Variants in GREB1L observed in about 807,000 individuals in gnomAD.
GREB1L encodes the protein GREB1-like protein.
In GREB1L, 17 loss-of-function variants were observed where a neutral mutation model predicts 200.8. The observed-to-expected ratio is 0.08, with a 90% confidence interval of 0.06 to 0.13. The LOEUF (loss-of-function observed/expected upper bound fraction) is 0.13. GREB1L is among the 10% of genes least tolerant of loss of function. The pLI is 1.00. For synonymous variants in GREB1L, 789 were observed against 893.0 expected (o/e 0.88, Z 2.08); for missense variants, 1,657 against 2,367.7 (o/e 0.70, Z 6.23).
intron 17 of GREB1L, among the ~76,000 whole-genome samples, chr18:21,483,159 A>G (rs2035987809): frequency 6.6e-6 from 1 of 152,192 alleles, no homozygotes; most frequent in African/African-American, 2.4e-5. Flanking sequence ...GAGAAATAAA[A>G]ACGAGGACAG....
intron 6 of GREB1L, among the ~76,000 whole-genome samples, chr18:21,402,287 C>A (rs2041347485): frequency 6.6e-6 from 1 of 152,094 alleles, no homozygotes; most frequent in South Asian, 2.1e-4. Context: ...ACCTCCCTCC[C>A]TTTTAATTCC....
chr18:21,260,088 C>T (rs1173033660), intron 1 of GREB1L, among the ~76,000 whole-genome samples: 1 of 151,870 alleles, frequency 6.6e-6, no homozygotes, highest in Non-Finnish European at 1.5e-5. Flanking sequence ...TTAATTAGTA[C>T]ATAACTATTC....
At chr18:21,453,949 C>G (rs1198145075) in intron 14 of GREB1L, among the ~76,000 whole-genome samples, 2 of 152,176 alleles carry the variant, frequency 1.3e-5, no homozygotes, top group South Asian at 2.1e-4. Flanking sequence ...TCCCCTCTTT[C>G]CTTGAACTGG....
chr18:21,423,334 T>C (rs2032312569), intron 7 of GREB1L, among the ~76,000 whole-genome samples: 1 of 152,190 alleles, frequency 6.6e-6, no homozygotes, highest in African/African-American at 2.4e-5. Context: ...TTCATAACCT[T>C]TACCCTTTAG....
chr18:21,481,699 T>C (rs557910626), intron 17 of GREB1L, among the ~76,000 whole-genome samples: 19 of 152,040 alleles, frequency 1.2e-4, no homozygotes, highest in Non-Finnish European at 2.8e-4. Flanking sequence ...ACTACAGATT[T>C]GTTTTGCTCA....
rs922557819 is a variant in GREB1L at position 21,499,732 on chromosome 18, C to G, written c.3395C>G (p.Ser1132Cys). 4.5e-6 allele frequency: 7 copies of G among 1,549,562 alleles called. No homozygotes were observed. The African/African-American group carries it at 9.6e-5, about 21-fold the overall frequency. The change falls in exon 22 of 33, where the codon TCC (serine) becomes TGC (cysteine). Residue 1132 changes from serine to cysteine, a missense_variant. By Grantham distance (112) the Ser-to-Cys change is moderately radical. This residue lies in a region of GREB1L where 512 missense variants were observed against 668.3 expected (regional missense o/e 0.77). Coordinates refer to ENST00000424526, the MANE Select transcript of GREB1L (RefSeq NM_001142966.3). ...GGTTCTGTCTGTTCTCTCACAGGTTCCATCATGGAGAATGGAGTGAGCTCT... is the reference window on the plus strand; with the variant it reads ...GGTTCTGTCTGTTCTCTCACAGGTTGCATCATGGAGAATGGAGTGAGCTCT... Reference protein sequence around the residue: ...NSSAVTGTSGSIMENGVSSSS... With the variant: ...NSSAVTGTSGCIMENGVSSSS...
At chr18:21,511,399 T>G (rs758803568) in intron 27 of GREB1L, among the ~76,000 whole-genome samples, 4 of 152,184 alleles carry the variant, frequency 2.6e-5, no homozygotes, top group Non-Finnish European at 5.9e-5. Context: ...TTCCATGGAT[T>G]GCCTTTTACT....
chr18:21,460,026 A>C (rs2034972353), intron 15 of GREB1L, among the ~76,000 whole-genome samples: 1 of 151,986 alleles, frequency 6.6e-6, no homozygotes, highest in Admixed American at 6.6e-5. Context: ...TCCTGGAATC[A>C]CCCATTCAGA....
chr18:21,347,173 G>A (rs1856246513), intron 1 of GREB1L, among the ~76,000 whole-genome samples: 1 of 151,938 alleles, frequency 6.6e-6, no homozygotes, highest in East Asian at 2.0e-4. Context: ...AGCTACTAGG[G>A]AGGCTGAGAC....
intron 15 of GREB1L, chr18:21,468,944 T>C (rs2035374644): frequency 2.0e-5 from 7 of 355,152 alleles, no homozygotes; most frequent in South Asian, 1.6e-4. Context: ...TTGCATCATG[T>C]CAGGGAGTAC....
In GREB1L at chr18:21,247,079, T is replaced by C. The variant is rs918363368; in HGVS notation, c.-120+4686T>C. On this transcript the variant is annotated intron_variant, in intron 1 of 32. Coordinates refer to ENST00000424526, the MANE Select transcript of GREB1L (RefSeq NM_001142966.3). ...CACCCAACATGGATAACAGCAGCTCTTTGTGCTGTTGAGCCCCAGGAGGGC... is the reference window on the plus strand; with the variant it reads ...CACCCAACATGGATAACAGCAGCTCCTTGTGCTGTTGAGCCCCAGGAGGGC... Among the ~76,000 whole-genome samples, 7 of 152,166 alleles carry C rather than the reference T, an allele frequency of 4.6e-5. No individual in the cohort carries two copies. In the East Asian group the frequency reaches 5.8e-4, roughly 13 times the overall value.
intron 16 of GREB1L, among the ~76,000 whole-genome samples, chr18:21,476,849 G>A (rs1434078017): frequency 6.6e-6 from 1 of 151,986 alleles, no homozygotes; most frequent in Non-Finnish European, 1.5e-5. Flanking sequence ...AAAGTGCTGG[G>A]ATTACAGACG....
At chr18:21,304,153 C>T (rs1197987493) in intron 1 of GREB1L, among the ~76,000 whole-genome samples, 1 of 152,076 alleles carries the variant, frequency 6.6e-6, no homozygotes, top group Non-Finnish European at 1.5e-5. Context: ...ACTATCAGAG[C>T]AATGCGTCTG....
At chr18:21,266,099 A>G (rs1274698026) in intron 1 of GREB1L, among the ~76,000 whole-genome samples, 2 of 152,138 alleles carry the variant, frequency 1.3e-5, no homozygotes, top group Admixed American at 1.3e-4. Flanking sequence ...TCTCATCTCT[A>G]CCTATTAAAT....
intron 5 of GREB1L, among the ~76,000 whole-genome samples, chr18:21,397,422 G>A (rs1158210066): frequency 1.3e-5 from 2 of 151,918 alleles, no homozygotes; most frequent in Non-Finnish European, 2.9e-5. Flanking sequence ...CTACTTGGGA[G>A]GCTGAGGCAG....
Position 21,422,908 on chromosome 18 carries a change from G to T in GREB1L, c.833-16613G>T, listed in dbSNP as rs558953752. 5.3e-5 allele frequency among the ~76,000 whole-genome samples: 8 copies of T among 152,108 alleles called. No homozygotes were observed. The South Asian group carries it at 1.7e-3, about 32-fold the overall frequency. ...TTATTTATTGAACTTTTGGATTTTT[G>T]TGAATCTGATGGGTGAAAAATAAAA... On this transcript the variant is annotated intron_variant, in intron 7 of 32. Coordinates refer to ENST00000424526, the MANE Select transcript of GREB1L (RefSeq NM_001142966.3).
Position 21,516,605 on chromosome 18 carries a change from C to A in GREB1L, c.5130-8C>A. 6.4e-7 allele frequency: 1 copy of A among 1,550,846 alleles called. No individual in the cohort carries two copies. The highest frequency in any genetic ancestry group is 8.7e-7 in the Non-Finnish European group (1 of 1,146,386). On this transcript the variant is annotated splice_polypyrimidine_tract_variant and splice_region_variant and intron_variant, in intron 29 of 32. Coordinates refer to ENST00000424526, the MANE Select transcript of GREB1L (RefSeq NM_001142966.3). ...CGGAAGAAAACTATTGTTGTGGTTACAATTTAGGTATTTCTGTGAAGATGC... is the reference window on the plus strand; with the variant it reads ...CGGAAGAAAACTATTGTTGTGGTTAAAATTTAGGTATTTCTGTGAAGATGC...
chr18:21,431,608 T>C (rs1269965869), intron 7 of GREB1L, among the ~76,000 whole-genome samples: 1 of 152,216 alleles, frequency 6.6e-6, no homozygotes, highest in East Asian at 1.9e-4. Flanking sequence ...TTGGTGAATA[T>C]TCTACTGACG....
Position 21,290,486 on chromosome 18 carries a change from G to A in GREB1L, c.-120+48093G>A, listed in dbSNP as rs562918351. Reference sequence around the variant, plus strand: ...GCAGATGGTTCCATTTCACTTTTCTGAATCATGATTTGGGTTTTTCCCCCC... The same window carrying A: ...GCAGATGGTTCCATTTCACTTTTCTAAATCATGATTTGGGTTTTTCCCCCC... On this transcript the variant is annotated intron_variant, in intron 1 of 32. Coordinates refer to ENST00000424526, the MANE Select transcript of GREB1L (RefSeq NM_001142966.3). 7.0e-4 allele frequency among the ~76,000 whole-genome samples: 106 copies of A among 152,148 alleles called. No homozygotes were observed. The Middle Eastern group carries it at 0.01, about 15-fold the overall frequency.
Sources: gnomAD v4.1 joint callset for allele counts (sites outside exome capture counted in the v4.1 genomes callset) on GRCh38, gnomAD v4.1.1 for gene constraint, gnomAD v4.1.1 regional missense constraint, MANE v1.5 for transcripts, NCBI Gene and HGNC (gene_info 2026-07-23, HGNC 2026-07-21) for gene names.